Variants in AVPI1 observed in about 807,000 individuals in gnomAD.
AVPI1 encodes the protein arginine vasopressin induced 1, also known as arginine vasopressin-induced protein 1.
In AVPI1, 9 loss-of-function variants were observed where a neutral mutation model predicts 11.9. The observed-to-expected ratio is 0.76, with a 90% CI of 0.46 to 1.32. AVPI1 has a LOEUF of 1.32. AVPI1 is among the 40% of genes most tolerant of loss of function. The pLI is 0.00. For missense variants in AVPI1, 207 were observed against 195.8 expected, an observed-to-expected ratio of 1.06 and a Z score of -0.34; for synonymous variants, 68 against 78.1, an observed-to-expected ratio of 0.87 and a Z score of 0.68.
chr10:97,683,455 G>A (rs1043573534), intron 1 of AVPI1, among the ~76,000 whole-genome samples: 11 of 152,288 alleles, frequency 7.2e-5, no homozygotes, highest in East Asian at 3.9e-4. Flanking sequence ...CACTGCGCCC[G>A]GTCAGCCCAC....
chr10:97,678,945 G>C lies in AVPI1; in HGVS notation c.287+674C>G, dbSNP rs1564779865. On this transcript the variant is annotated intron_variant, in intron 2 of 2. Coordinates refer to ENST00000370626, the MANE Select transcript of AVPI1 (RefSeq NM_021732.3). Reference sequence around the variant, plus strand: ...TGTGTGTGTGTGTGTGTGTGTGTGTGTGTGTGTGTGTGTGTGTGTGTGTGT... The same window carrying C: ...TGTGTGTGTGTGTGTGTGTGTGTGTCTGTGTGTGTGTGTGTGTGTGTGTGT... 2.8e-4 allele frequency among the ~76,000 whole-genome samples: 11 copies of C among 39,870 alleles called. 2 individuals are homozygous for C. Among genetic ancestry groups the C allele is most frequent in the South Asian group, 2.2e-3 (2 of 896 alleles). 26.2% of individuals were successfully genotyped at this position (39,870 alleles called of 152,430 possible).
In AVPI1 at chr10:97,679,803, C is replaced by A. The variant is rs150249445; in HGVS notation, c.103G>T (p.Glu35Ter). Residue 35 changes from glutamate to a stop codon, truncating the protein, a stop_gained, in exon 2 of 3, where the codon GAG becomes TAG. Coordinates refer to ENST00000370626, the MANE Select transcript of AVPI1 (RefSeq NM_021732.3). LOFTEE classifies it high-confidence loss of function. ...QASANIFQDAELLQIQALFQR... is the reference protein window; with the variant it reads ...QASANIFQDA ...AACAGGGCTTGGATCTGCAGCAGCT[C>A]GGCGTCCTGGAAGATGTTGGCCGAG... 21 of 1,613,420 alleles carry A rather than the reference C, an allele frequency of 1.3e-5. No homozygotes were observed. The highest frequency in any genetic ancestry group is 1.7e-5 in the Non-Finnish European group (20 of 1,179,918).
intron 2 of AVPI1, 138 bp from the exon 3 acceptor site, chr10:97,678,163 C>A: frequency 1.1e-6 from 1 of 933,428 alleles, no homozygotes; most frequent in Non-Finnish European, 1.6e-6. Flanking sequence ...GGTCTTTCCC[C>A]CTCTGAGAAC....
chr10:97,682,107 G>A lies in AVPI1; in HGVS notation c.-10-2192C>T, dbSNP rs550404631. Among the ~76,000 whole-genome samples, 11 of 152,338 alleles carry A rather than the reference G, an allele frequency of 7.2e-5. No homozygotes were observed. The East Asian group carries it at 2.1e-3, about 29-fold the overall frequency. On this transcript the variant is annotated intron_variant, in intron 1 of 2. Transcript: ENST00000370626. Reference sequence around the variant, plus strand: ...ACTTAAGCGTCCCACGGAGGAGCCTGGAACCACCCTCCATGGATACTGAGG... The same window carrying A: ...ACTTAAGCGTCCCACGGAGGAGCCTAGAACCACCCTCCATGGATACTGAGG...
chr10:97,678,906 T>TTTTCAGAGACAGGATCTCGCC (rs1270943037), intron 2 of AVPI1, among the ~76,000 whole-genome samples: 11 of 6,848 alleles, frequency 1.6e-3, no homozygotes, highest in Non-Finnish European at 3.2e-3. Context: ...TGTGTGTGTG[T>TTTTCAGAGACAGGATCTCGCC]GTGTGTGTGT....
Position 97,679,882 on chromosome 10 carries a change from G to T in AVPI1, c.24C>A (p.Val8=), listed in dbSNP as rs777816284. 5 of 1,587,426 alleles carry T rather than the reference G, an allele frequency of 3.1e-6. No homozygotes were observed. The highest frequency in any genetic ancestry group is 2.3e-5 in the South Asian group (2 of 88,162). MGTPASV[V]SEPPPWQAPI... is the part of the protein sequence containing the mutation. ...GGGCCTGCCAAGGGGGTGGCTCACT[G>T]ACCACCGAGGCTGGGGTACCCATTG... Residue 8 remains valine, a synonymous_variant, in exon 2 of 3, where the codon GTC becomes GTA. Coordinates refer to ENST00000370626, the MANE Select transcript of AVPI1 (RefSeq NM_021732.3).
chr10:97,680,717 A>G (rs11189323), intron 1 of AVPI1, among the ~76,000 whole-genome samples: 41,265 of 152,164 alleles, frequency 0.27, 6,892 homozygotes, highest in African/African-American at 0.48. Context: ...TTGAGACATC[A>G]TCCCACCTCC....
At chr10:97,686,100 T>C (rs183727152) in intron 1 of AVPI1, among the ~76,000 whole-genome samples, 4 of 152,150 alleles carry the variant, frequency 2.6e-5, no homozygotes, top group Non-Finnish European at 4.4e-5. Flanking sequence ...CTGGTCAACA[T>C]AGCAAGACTG....
In AVPI1 at chr10:97,679,693, G is replaced by C; in HGVS notation, c.213C>G (p.Leu71=). The change falls in exon 2 of 3, where the codon CTC becomes CTG. Residue 71 remains leucine, a synonymous_variant. Coordinates refer to ENST00000370626, the MANE Select transcript of AVPI1 (RefSeq NM_021732.3). ...CAGDHRVAEA[L]KRLRRKRPPR... The stretch of plus-strand genomic sequence containing the variant: ...GGGGCCTCTTCCTGCGCAGCCTCTT[G>C]AGGGCCTCAGCCACACGGTGGTCCC... The C allele has an allele frequency of 6.2e-7, 1 of 1,614,150 alleles. No individual in the cohort carries two copies. Among genetic ancestry groups the C allele is most frequent in the Non-Finnish European group, 8.5e-7 (1 of 1,180,020 alleles).
rs1048802873 is a variant in AVPI1, at chr10:97,677,677, G to T, written c.*192C>A. On this transcript the variant is annotated 3_prime_UTR_variant, in exon 3 of 3. Coordinates refer to ENST00000370626, the MANE Select transcript of AVPI1 (RefSeq NM_021732.3). ...AGTCACTGTCTCTCCTCATTTTGGT[G>T]AGGAATGGGTCCCACATAATGGAGA... The T allele has an allele frequency of 1.7e-6, 1 of 601,612 alleles. No homozygotes were observed. The allele number at this position is 601,612 out of a possible 1,614,324, so 37.3% of individuals were successfully genotyped here.
rs544820695 is a variant in AVPI1 at position 97,679,806 on chromosome 10, C to G, written c.100G>C (p.Ala34Pro). 1 of 1,613,350 alleles carries G rather than the reference C, an allele frequency of 6.2e-7. No individual in the cohort carries two copies. The highest frequency in any genetic ancestry group is 2.2e-5 in the East Asian group (1 of 44,864). Residue 34 changes from alanine (A) to proline (P), a missense_variant, in exon 2 of 3, where the codon GCC (alanine) becomes CCC (proline). Coordinates refer to ENST00000370626, the MANE Select transcript of AVPI1 (RefSeq NM_021732.3). ...KQASANIFQD[A>P]ELLQIQALFQ... is the part of the protein sequence containing the mutation. Reference sequence around the variant, plus strand: ...AGGGCTTGGATCTGCAGCAGCTCGGCGTCCTGGAAGATGTTGGCCGAGGCC... The same window carrying G: ...AGGGCTTGGATCTGCAGCAGCTCGGGGTCCTGGAAGATGTTGGCCGAGGCC...
intron 1 of AVPI1, among the ~76,000 whole-genome samples, chr10:97,685,122 GA>G (rs1270509655): frequency 2.6e-5 from 4 of 152,106 alleles, no homozygotes; most frequent in Non-Finnish European, 5.9e-5. Context: ...TTTCATTTCA[GA>G]ACTGACATAA....
At chr10:97,680,701 A>G (rs1262484741) in intron 1 of AVPI1, among the ~76,000 whole-genome samples, 1 of 152,222 alleles carries the variant, frequency 6.6e-6, no homozygotes, top group Non-Finnish European at 1.5e-5. Context: ...TTTTCAATCT[A>G]TAAAATTGAG....
At chr10:97,680,365 G>A (rs1175648707) in intron 1 of AVPI1, among the ~76,000 whole-genome samples, 1 of 152,200 alleles carries the variant, frequency 6.6e-6, no homozygotes. Context: ...CAACAGCCCT[G>A]TAAGGTAGGT....
intron 1 of AVPI1, among the ~76,000 whole-genome samples, chr10:97,683,384 C>T (rs1023043256): frequency 6.6e-6 from 1 of 152,208 alleles, no homozygotes; most frequent in African/African-American, 2.4e-5. Flanking sequence ...GTCTTGAACT[C>T]CTGACCTCAG....
At position 97,679,731 on chromosome 10, in the gene AVPI1, AGAT is replaced by A; in HGVS notation, c.172_174del (p.Ile58del). On this transcript the variant is annotated inframe_deletion, in exon 2 of 3. Coordinates refer to ENST00000370626, the MANE Select transcript of AVPI1 (RefSeq NM_021732.3). ...ACACGGTGGTCCCCTGCACATTCCCAGATGATCTGTGCCCGTTCCTCGGCCAGC... is the reference window on the plus strand; with the variant it reads ...ACACGGTGGTCCCCTGCACATTCCCAGATCTGTGCCCGTTCCTCGGCCAGC... The A allele has an allele frequency of 6.2e-7, 1 of 1,614,098 alleles. No homozygotes were observed. Among genetic ancestry groups the A allele is most frequent in the Non-Finnish European group, 8.5e-7 (1 of 1,180,004 alleles).
At chr10:97,678,940 TG>T (rs1564779856) in intron 2 of AVPI1, among the ~76,000 whole-genome samples, 4 of 41,600 alleles carry the variant, frequency 9.6e-5, no homozygotes, top group Admixed American at 3.2e-4. Context: ...TGTGTGTGTG[TG>T]TGTGTGTGTG....
In AVPI1 at chr10:97,679,943, TCAA is replaced by T. The variant is rs771700686; in HGVS notation, c.-10-31_-10-29del. ...GAGGATGCAAAGCATGGAGACATCATCAACTCAGCTGGTCCTTCCCAGACCTGG... is the reference window on the plus strand; with the variant it reads ...GAGGATGCAAAGCATGGAGACATCATCTCAGCTGGTCCTTCCCAGACCTGG... On this transcript the variant is annotated intron_variant, in intron 1 of 2. Coordinates refer to ENST00000370626, the MANE Select transcript of AVPI1 (RefSeq NM_021732.3). 1.0e-5 allele frequency: 15 copies of T among 1,506,308 alleles called. No individual in the cohort carries two copies. In the East Asian group the frequency reaches 3.3e-4, roughly 34 times the overall value. The allele number at this position is 1,506,308 out of a possible 1,614,324, so 93.3% of individuals were successfully genotyped here.
chr10:97,685,485 G>A (rs1274774302), intron 1 of AVPI1, among the ~76,000 whole-genome samples: 4 of 152,208 alleles, frequency 2.6e-5, no homozygotes, highest in Non-Finnish European at 5.9e-5. Context: ...ACATTTGGGT[G>A]AGCTGGCAAC....
Sources: allele counts gnomAD v4.1 joint callset (sites outside exome capture counted in the v4.1 genomes callset), GRCh38; gene constraint gnomAD v4.1.1; transcripts MANE v1.5; gene names NCBI Gene and HGNC (gene_info 2026-07-23, HGNC 2026-07-21).